The following BDKRB2 variants were observed in gnomAD, a reference collection of about 807,000 sequenced individuals.
BDKRB2 encodes the protein B2 bradykinin receptor.
A neutral mutation model predicts 4.0 loss-of-function variants in BDKRB2; 6 were observed. The ratio of observed to expected loss-of-function variants is 1.49; its 90% CI spans 0.81 to 2.93. The LOEUF is 2.93. Among genes scored for constraint, BDKRB2 ranks in the 30% most tolerant of loss-of-function variants. BDKRB2 has a pLI of 0.00. For synonymous variants in BDKRB2, 225 were observed against 215.3 expected (o/e 1.05, Z -0.40); for missense variants, 478 against 520.1 (o/e 0.92, Z 0.79).
In BDKRB2 at chr14:96,226,654, CAA is replaced by C. The variant is rs11366380; in HGVS notation, c.-39-10402_-39-10401del. Among the ~76,000 whole-genome samples, 1,095 of 146,494 alleles carry C rather than the reference CAA, an allele frequency of 7.5e-3. 11 individuals carry two copies. Among genetic ancestry groups the C allele is most frequent in the African/African-American group, 0.02 (800 of 39,908 alleles). On this transcript the variant is annotated intron_variant, in intron 1 of 2. Transcript: ENST00000554311. The stretch of plus-strand genomic sequence containing the variant: ...GGGCAACAAAAGTGAGACTTGGTCT[CAA>C]AAAAAAAAAAAATTACAAAGTGGCT...
intron 1 of BDKRB2, among the ~76,000 whole-genome samples, chr14:96,205,695 G>C (rs1226342996): frequency 6.6e-6 from 1 of 152,170 alleles, no homozygotes; most frequent in African/African-American, 2.4e-5. Context: ...GACGTTTTTG[G>C]GCGAGTTATT....
At chr14:96,224,281 G>A (rs534619502) in intron 1 of BDKRB2, among the ~76,000 whole-genome samples, 2 of 152,108 alleles carry the variant, frequency 1.3e-5, no homozygotes, top group East Asian at 3.9e-4. Flanking sequence ...ATAATAAAAA[G>A]TTAAAAAGCA....
chr14:96,205,049 A>G (rs1185845638), intron 1 of BDKRB2, 90 bp downstream of exon 1: 1 of 163,324 alleles, frequency 6.1e-6, no homozygotes, highest in East Asian at 1.9e-4. Flanking sequence ...GAGGGCAGGC[A>G]GCGGGGAGAA....
At chr14:96,213,172 A>G (rs1291069322) in intron 1 of BDKRB2, among the ~76,000 whole-genome samples, 1 of 152,122 alleles carries the variant, frequency 6.6e-6, no homozygotes, top group Non-Finnish European at 1.5e-5. Flanking sequence ...ACACAATAGG[A>G]CTGTGTATGA....
chr14:96,237,795 C>T lies in BDKRB2; in HGVS notation c.74+614C>T, dbSNP rs1172816867. ...ACTGGACCTATAGTTTCCAATTCCG[C>T]ACTCAGCAGGCATCTTTCTGATGAT... is the stretch of plus-strand genomic sequence containing the variant. On this transcript the variant is annotated intron_variant, in intron 2 of 2. Transcript: ENST00000554311. The T allele has an allele frequency of 2.3e-6, 3 of 1,289,810 alleles. No individual in the cohort carries two copies. The South Asian group carries it at 3.7e-5, about 16-fold the overall frequency. The allele number at this position is 1,289,810 out of a possible 1,614,324, so 79.9% of individuals were successfully genotyped here. A position where few individuals can be genotyped will look rare whatever the true frequency, so the allele number is the denominator to read the frequency against.
At chr14:96,206,212 CTTGGGGTGAGAGCAGGGG>C (rs1351013773) in intron 1 of BDKRB2, among the ~76,000 whole-genome samples, 63 of 152,308 alleles carry the variant, frequency 4.1e-4, no homozygotes, top group African/African-American at 1.5e-3. Context: ...GTTTCCCCTG[CTTGGGGTGAGAGCAGGGG>C]ACAGCCAAGA....
intron 1 of BDKRB2, among the ~76,000 whole-genome samples, chr14:96,212,351 G>A (rs1450205577): frequency 1.3e-5 from 2 of 152,062 alleles, no homozygotes; most frequent in Non-Finnish European, 2.9e-5. Context: ...GCCATAGTCA[G>A]GGGATGAGTC....
intron 1 of BDKRB2, among the ~76,000 whole-genome samples, chr14:96,216,975 C>T (rs1890443635): frequency 6.6e-6 from 1 of 152,204 alleles, no homozygotes; most frequent in Admixed American, 6.5e-5. Flanking sequence ...GGTAGCTATA[C>T]ATAGCCCTAG....
At chr14:96,231,382 A>G (rs992145401) in intron 1 of BDKRB2, among the ~76,000 whole-genome samples, 6 of 152,186 alleles carry the variant, frequency 3.9e-5, no homozygotes, top group African/African-American at 1.4e-4. Context: ...CCCTACAGAC[A>G]GCTTTGGCCT....
chr14:96,211,837 C>A (rs1890310864), intron 1 of BDKRB2, among the ~76,000 whole-genome samples: 1 of 152,120 alleles, frequency 6.6e-6, no homozygotes, highest in African/African-American at 2.4e-5. Context: ...ACTGGGAACT[C>A]CCTGCGAAGG....
chr14:96,240,513 C>A lies in BDKRB2; in HGVS notation c.185C>A (p.Pro62His), dbSNP rs764968612. 10 of 1,576,802 alleles carry A rather than the reference C, an allele frequency of 6.3e-6. No homozygotes were observed. The highest frequency in any genetic ancestry group is 8.6e-6 in the Non-Finnish European group (10 of 1,162,508). Residue 62 changes from proline (P) to histidine (H), a missense_variant, in exon 3 of 3, where the codon CCC becomes CAC. Coordinates refer to ENST00000554311, the MANE Select transcript of BDKRB2 (RefSeq NM_001379692.1). Reference protein sequence around the residue: ...WLGWLNTIQPPFLWVLFVLAT... With the variant: ...WLGWLNTIQPHFLWVLFVLAT... Reference sequence around the variant, plus strand: ...GGCTGGCTCAACACCATCCAGCCCCCCTTCCTCTGGGTGCTGTTCGTGCTG... The same window carrying A: ...GGCTGGCTCAACACCATCCAGCCCCACTTCCTCTGGGTGCTGTTCGTGCTG...
chr14:96,238,724 G>C (rs2242962), intron 2 of BDKRB2: 5 of 982,432 alleles, frequency 5.1e-6, no homozygotes, highest in Non-Finnish European at 6.0e-6. Flanking sequence ...TTCTTGTCCC[G>C]TCAAAATGCT....
intron 2 of BDKRB2, chr14:96,240,182 G>A: frequency 7.8e-7 from 1 of 1,281,534 alleles, no homozygotes; most frequent in South Asian, 3.3e-5. Flanking sequence ...TCGAGATGAA[G>A]AACATGAGGC....
chr14:96,216,705 AGGAGGAGGAAGAGGAAGGAGGAGGAG>A (rs1890426941), intron 1 of BDKRB2, among the ~76,000 whole-genome samples: 1 of 99,120 alleles, frequency 1.0e-5, no homozygotes, highest in Admixed American at 1.1e-4. Context: ...AGGAGGAGGA[AGGAGGAGGAAGAGGAAGGAGGAGGAG>A]GAAGGAGGAG....
chr14:96,231,584 G>T (rs1341521598), intron 1 of BDKRB2, among the ~76,000 whole-genome samples: 1 of 152,182 alleles, frequency 6.6e-6, no homozygotes, highest in Admixed American at 6.5e-5. Context: ...ACGTCAATCA[G>T]CTTTTAGAGG....
Position 96,242,422 on chromosome 14 carries a change from G to T in BDKRB2, c.*918G>T, listed in dbSNP as rs936625622. The stretch of plus-strand genomic sequence containing the variant: ...TATAAAGTACTTAGAAAAGCAAAGG[G>T]TGCTACGTACATGTGAGGCATCATT... On this transcript the variant is annotated 3_prime_UTR_variant, in exon 3 of 3. Transcript: ENST00000554311. 6.6e-6 allele frequency: 1 copy of T among 152,256 alleles called. No homozygotes were observed. The highest frequency in any genetic ancestry group is 2.4e-5 in the African/African-American group (1 of 41,456). 9.4% of individuals were successfully genotyped at this position (152,256 alleles called of 1,614,324 possible). A position where few individuals can be genotyped will look rare whatever the true frequency, so the allele number is the denominator to read the frequency against.
intron 1 of BDKRB2, among the ~76,000 whole-genome samples, chr14:96,228,024 G>A (rs918035792): frequency 3.3e-5 from 5 of 152,226 alleles, no homozygotes; most frequent in African/African-American, 1.2e-4. Flanking sequence ...ATAAGCCACA[G>A]CATCCCCTCC....
chr14:96,216,152 GA>G (rs1890412125), intron 1 of BDKRB2, among the ~76,000 whole-genome samples: 1 of 152,158 alleles, frequency 6.6e-6, no homozygotes, highest in South Asian at 2.1e-4. Flanking sequence ...CAGGAAGTAG[GA>G]ATTTTCCACC....
At chr14:96,218,361 T>C (rs536690073) in intron 1 of BDKRB2, among the ~76,000 whole-genome samples, 57 of 152,284 alleles carry the variant, frequency 3.7e-4, no homozygotes, top group African/African-American at 1.2e-3. Context: ...TTGAGACCCC[T>C]AAGTGCTAAT....
Sources: allele counts gnomAD v4.1 joint callset (sites outside exome capture counted in the v4.1 genomes callset), GRCh38; gene constraint gnomAD v4.1.1; transcripts MANE v1.5; gene names NCBI Gene and HGNC (gene_info 2026-07-23, HGNC 2026-07-21).